Variants in TCF4 observed in about 807,000 individuals in gnomAD.
TCF4 encodes the protein SL3-3 enhancer factor 2.
In TCF4, 3 loss-of-function variants were observed where a neutral mutation model predicts 82.1. That is an observed-to-expected ratio of 0.04 (90% CI 0.02 to 0.09). The LOEUF (loss-of-function observed/expected upper bound fraction) is 0.09, where lower values mean the gene tolerates loss of function less well. TCF4 is among the 10% of genes least tolerant of loss of function. TCF4 has a pLI of 1.00. For missense variants in TCF4, 518 were observed against 852.7 expected (o/e 0.61, Z 4.89); for synonymous variants, 276 against 309.6 (o/e 0.89, Z 1.14).
At chr18:55,569,277 C>T (rs1056781587) in intron 3 of TCF4, among the ~76,000 whole-genome samples, 58 of 149,352 alleles carry the variant, frequency 3.9e-4, no homozygotes, top group African/African-American at 1.4e-3. Flanking sequence ...TCTTGAGTCA[C>T]ACATGATGTG....
chr18:55,350,336 A>T (rs977513470), intron 8 of TCF4, 23 bp downstream of exon 8: 1 of 1,611,794 alleles, frequency 6.2e-7, no homozygotes. Context: ...GCAATATACA[A>T]AGCAGAAACA....
At chr18:55,588,268 G>A (rs1010046871), upstream of TCF4, 1 of 1,437,566 alleles carries the variant, frequency 7.0e-7, no homozygotes, top group Non-Finnish European at 9.1e-7. Flanking sequence ...AGGGAAGGGG[G>A]GAGGGGGAAA....
intron 8 of TCF4, among the ~76,000 whole-genome samples, chr18:55,299,711 T>A (rs916045735): frequency 3.9e-5 from 6 of 152,024 alleles, no homozygotes; most frequent in African/African-American, 9.7e-5. Context: ...ACAAAAAAAA[T>A]GTTGCTGGGT....
intron 5 of TCF4, among the ~76,000 whole-genome samples, chr18:55,453,408 A>C (rs928915631): frequency 2.6e-5 from 4 of 152,222 alleles, no homozygotes; most frequent in Non-Finnish European, 4.4e-5. Context: ...CTTCGAAGCA[A>C]AAGCATTCCT....
chr18:55,397,875 C>T (rs1281256979), intron 6 of TCF4, among the ~76,000 whole-genome samples: 1 of 152,076 alleles, frequency 6.6e-6, no homozygotes, highest in Non-Finnish European at 1.5e-5. Flanking sequence ...ATTATACATA[C>T]ACACAAGAAA....
chr18:55,587,760 A>C (rs571138302), intron 1 of TCF4, among the ~76,000 whole-genome samples: 1 of 150,706 alleles, frequency 6.6e-6, no homozygotes, highest in Non-Finnish European at 1.5e-5. Flanking sequence ...CTAATTGTCC[A>C]GCACCCTAAT....
At chr18:55,301,788 T>TAAAAAAA (rs10652622) in intron 8 of TCF4, among the ~76,000 whole-genome samples, 2 of 56,318 alleles carry the variant, frequency 3.6e-5, no homozygotes, top group African/African-American at 8.0e-5. Context: ...CCAAAAACTG[T>TAAAAAAA]AAAAAAAAAA....
chr18:55,322,465 C>T, intron 8 of TCF4: 2 of 1,003,604 alleles, frequency 2.0e-6, no homozygotes, highest in Non-Finnish European at 2.4e-6. Flanking sequence ...ACGTCTCTGA[C>T]CTCGCTCAAA....
At chr18:55,587,895 G>A (rs1785781707) in intron 1 of TCF4, 143 bp downstream of exon 1, 1 of 682,794 alleles carries the variant, frequency 1.5e-6, no homozygotes, top group Non-Finnish European at 1.8e-6. Context: ...CGGCGGGAGG[G>A]GAAGGGGTGT....
intron 5 of TCF4, among the ~76,000 whole-genome samples, chr18:55,438,200 C>CA (rs1295763534): frequency 0.15 from 9,383 of 63,498 alleles, 530 homozygotes; most frequent in African/African-American, 0.24. Context: ...GACTTCGTCT[C>CA]AAAAAAAAAA....
intron 3 of TCF4, among the ~76,000 whole-genome samples, chr18:55,580,522 T>C (rs889202639): frequency 4.6e-5 from 7 of 151,976 alleles, no homozygotes; most frequent in Non-Finnish European, 1.0e-4. Flanking sequence ...AATAAAGATA[T>C]GAGAAAGACA....
intron 6 of TCF4, among the ~76,000 whole-genome samples, chr18:55,369,180 G>A (rs2088169994): frequency 6.6e-6 from 1 of 152,084 alleles, no homozygotes; most frequent in Non-Finnish European, 1.5e-5. Flanking sequence ...TAATGAATAA[G>A]TACAAAAAGT....
At chr18:55,275,906 C>G (rs1428662880) in intron 9 of TCF4, among the ~76,000 whole-genome samples, 154 bp from the exon 10 acceptor site, 1 of 152,068 alleles carries the variant, frequency 6.6e-6, no homozygotes, top group Non-Finnish European at 1.5e-5. Context: ...TCATTTCTTC[C>G]CAAGTGGCTC....
chr18:55,468,351 C>A lies in TCF4; in HGVS notation c.146-4214G>T, dbSNP rs144587105. On this transcript the variant is annotated intron_variant, in intron 3 of 19. Coordinates refer to ENST00000354452, the MANE Select transcript of TCF4 (RefSeq NM_001083962.2). The stretch of plus-strand genomic sequence containing the variant: ...GAGAGGGAAACAAGATTGACAATAA[C>A]CATCAGATAAAAACACACAAAGTGT... 1.2e-3 allele frequency among the ~76,000 whole-genome samples: 181 copies of A among 152,280 alleles called. 2 individuals carry two copies. The East Asian group carries it at 0.028, about 24-fold the overall frequency.
At chr18:55,233,821 A>C (rs1035845310) in intron 16 of TCF4, among the ~76,000 whole-genome samples, 1 of 151,446 alleles carries the variant, frequency 6.6e-6, no homozygotes, top group Non-Finnish European at 1.5e-5. Context: ...TCTGTCAAAA[A>C]AAAAAAAAAA....
intron 11 of TCF4, chr18:55,267,029 C>T (rs1350364386): frequency 6.6e-6 from 1 of 152,130 alleles, no homozygotes; most frequent in Non-Finnish European, 1.5e-5. Flanking sequence ...AAAGCAGCTT[C>T]CTAAGACATC....
chr18:55,275,497 T>G (rs1315640645), intron 10 of TCF4, 122 bp downstream of exon 10: 1 of 1,267,894 alleles, frequency 7.9e-7, no homozygotes, highest in African/African-American at 1.5e-5. Context: ...AACTTAAGAA[T>G]AATGGGTGTG....
In TCF4 at chr18:55,439,764, C is replaced by G. The variant is rs567615943; in HGVS notation, c.304+21255G>C. On this transcript the variant is annotated intron_variant, in intron 5 of 19. Transcript: ENST00000354452. Reference sequence around the variant, plus strand: ...TTGAGACGGAGTCTCACTCTGTCACCGAGGCAAGAGTATAACGGCATGATC... The same window carrying G: ...TTGAGACGGAGTCTCACTCTGTCACGGAGGCAAGAGTATAACGGCATGATC... Among the ~76,000 whole-genome samples the G allele has an allele frequency of 1.4e-4, 22 of 152,300 alleles. No homozygotes were observed. In the South Asian group the frequency reaches 4.1e-3, roughly 29 times the overall value.
At chr18:55,300,449 G>T (rs374742363) in intron 8 of TCF4, among the ~76,000 whole-genome samples, 1 of 140,246 alleles carries the variant, frequency 7.1e-6, no homozygotes, top group Non-Finnish European at 1.6e-5. Flanking sequence ...GTAAGTGGGG[G>T]AGGGGCTGGA....
Sources: gnomAD v4.1 joint callset for allele counts (sites outside exome capture counted in the v4.1 genomes callset) on GRCh38, gnomAD v4.1.1 for gene constraint, MANE v1.5 for transcripts, NCBI Gene and HGNC (gene_info 2026-07-23, HGNC 2026-07-21) for gene names.